Variants in PCCA observed in about 807,000 individuals in gnomAD.
PCCA encodes propionyl-CoA carboxylase subunit alpha, also known as propionyl-CoA carboxylase alpha chain, mitochondrial.
PCCA carries 74 observed loss-of-function variants against 101.3 expected under a neutral mutation model. The observed-to-expected ratio is 0.73, with a 90% CI of 0.61 to 0.89. The LOEUF (loss-of-function observed/expected upper bound fraction) is 0.89. PCCA is among the 40% of genes least tolerant of loss of function. The pLI is 0.00. For synonymous variants in PCCA, 294 were observed against 313.6 expected (o/e 0.94, Z 0.66); for missense variants, 891 against 907.0 (o/e 0.98, Z 0.23).
intron 21 of PCCA, among the ~76,000 whole-genome samples, chr13:100,474,733 C>G (rs1051085806): frequency 6.6e-6 from 1 of 152,130 alleles, no homozygotes; most frequent in Non-Finnish European, 1.5e-5. Context: ...AAGCGATCCT[C>G]CCACCTTGGC....
intron 20 of PCCA, among the ~76,000 whole-genome samples, chr13:100,446,378 A>G (rs923156008): frequency 5.3e-5 from 8 of 152,126 alleles, no homozygotes; most frequent in Non-Finnish European, 8.8e-5. Flanking sequence ...TAACCTATCT[A>G]ATGTCTTCCT....
chr13:100,437,905 A>C (rs1430434225), intron 20 of PCCA, among the ~76,000 whole-genome samples: 3 of 152,126 alleles, frequency 2.0e-5, no homozygotes, highest in African/African-American at 7.2e-5. Flanking sequence ...CCCGACTTCA[A>C]GTTATCTGCC....
chr13:100,284,086 G>A (rs1248638577), intron 12 of PCCA, among the ~76,000 whole-genome samples: 2 of 152,234 alleles, frequency 1.3e-5, no homozygotes, highest in Non-Finnish European at 2.9e-5. Context: ...CACTGGCACG[G>A]CCTTCTCAGT....
chr13:100,146,122 G>A (rs1347335371), intron 4 of PCCA, among the ~76,000 whole-genome samples: 1 of 150,430 alleles, frequency 6.6e-6, no homozygotes, highest in South Asian at 2.1e-4. Context: ...TGTATTTTTA[G>A]CAGAGATGGG....
intron 1 of PCCA, among the ~76,000 whole-genome samples, chr13:100,099,387 G>A (rs2047068077): frequency 1.4e-5 from 2 of 146,238 alleles, no homozygotes; most frequent in African/African-American, 5.1e-5. Context: ...GCGTGATCTC[G>A]GCTCACTACA....
chr13:100,321,227 C>G (rs1001165447), intron 16 of PCCA, among the ~76,000 whole-genome samples: 1 of 152,164 alleles, frequency 6.6e-6, no homozygotes, highest in African/African-American at 2.4e-5. Context: ...CAAAAGCACT[C>G]TAGTTTGTCT....
At chr13:100,333,435 A>G (rs2069949967) in intron 17 of PCCA, among the ~76,000 whole-genome samples, 1 of 152,180 alleles carries the variant, frequency 6.6e-6, no homozygotes, top group African/African-American at 2.4e-5. Context: ...TTTCTATTGT[A>G]TATGTTTATT....
At chr13:100,200,386 G>A (rs980636112) in intron 6 of PCCA, among the ~76,000 whole-genome samples, 1 of 152,172 alleles carries the variant, frequency 6.6e-6, no homozygotes, top group Admixed American at 6.5e-5. Context: ...TTACAGGCGT[G>A]AGCCACAGTG....
intron 19 of PCCA, among the ~76,000 whole-genome samples, chr13:100,393,470 T>C (rs1319969345): frequency 6.9e-6 from 1 of 145,564 alleles, no homozygotes; most frequent in Non-Finnish European, 1.5e-5. Flanking sequence ...CCAGGCTGGA[T>C]TGCAATGGCG....
intron 6 of PCCA, among the ~76,000 whole-genome samples, chr13:100,205,755 C>T (rs1015608801): frequency 6.6e-6 from 1 of 151,946 alleles, no homozygotes; most frequent in African/African-American, 2.4e-5. Context: ...ATTACATCTG[C>T]CTGGCATAGT....
intron 22 of PCCA, among the ~76,000 whole-genome samples, chr13:100,526,565 C>G (rs1214080865): frequency 6.6e-6 from 1 of 152,240 alleles, no homozygotes; most frequent in Non-Finnish European, 1.5e-5. Flanking sequence ...AGAACATTCT[C>G]TAGGCGCTTC....
At position 100,406,056 on chromosome 13, in the gene PCCA, C is replaced by T. The variant is rs1384150135; in HGVS notation, c.1747-19577C>T. Among the ~76,000 whole-genome samples the T allele has an allele frequency of 4.6e-5, 7 of 152,070 alleles. No homozygotes were observed. The South Asian group carries it at 8.3e-4, about 18-fold the overall frequency. On this transcript the variant is annotated intron_variant, in intron 19 of 23. Transcript: ENST00000376285. The stretch of plus-strand genomic sequence containing the variant: ...CTGGGATTACAGGCATGAGCCACTG[C>T]GCCCCACCAGAAAGTGACATTACTT...
chr13:100,469,779 C>CA (rs139256833), intron 21 of PCCA, among the ~76,000 whole-genome samples: 17,928 of 148,208 alleles, frequency 0.12, 1,937 homozygotes, highest in African/African-American at 0.29. Flanking sequence ...GGCTCTGTCT[C>CA]AAAAAAAAAC....
intron 12 of PCCA, among the ~76,000 whole-genome samples, chr13:100,287,656 T>C (rs1595132056): frequency 6.6e-6 from 1 of 152,188 alleles, no homozygotes; most frequent in East Asian, 1.9e-4. Context: ...TTATTAGTTC[T>C]ATGTGATTGT....
At chr13:100,470,936 G>A (rs896640459) in intron 21 of PCCA, among the ~76,000 whole-genome samples, 1 of 152,198 alleles carries the variant, frequency 6.6e-6, no homozygotes. Flanking sequence ...GTTCACTGGA[G>A]CAGCACTTTT....
intron 2 of PCCA, among the ~76,000 whole-genome samples, chr13:100,105,302 T>C (rs2047647184): frequency 2.0e-5 from 3 of 152,316 alleles, no homozygotes; most frequent in South Asian, 2.1e-4. Flanking sequence ...TTATGAAAGC[T>C]GTAGTTTAAT....
rs1298248993 is a variant in PCCA at position 100,508,267 on chromosome 13, T to C, written c.1900-7160T>C. The stretch of plus-strand genomic sequence containing the variant: ...GCAGGATGTTTGAAAAATGAGTTGC[T>C]GAATGGGCTTCAGATATTCTTATTC... On this transcript the variant is annotated intron_variant, in intron 21 of 23. Transcript: ENST00000376285. 2.0e-5 allele frequency among the ~76,000 whole-genome samples: 3 copies of C among 152,348 alleles called. No homozygotes were observed. The East Asian group carries it at 5.8e-4, about 29-fold the overall frequency.
intron 20 of PCCA, among the ~76,000 whole-genome samples, chr13:100,434,818 T>C (rs1242453583): frequency 2.0e-5 from 3 of 152,236 alleles, no homozygotes; most frequent in African/African-American, 7.2e-5. Context: ...TAAGTGATTC[T>C]CATGAAGTCG....
chr13:100,318,482 T>TCC (rs1375672912), intron 16 of PCCA, among the ~76,000 whole-genome samples: 3 of 80,878 alleles, frequency 3.7e-5, no homozygotes, highest in Non-Finnish European at 7.3e-5. Flanking sequence ...CCCTCCCCCC[T>TCC]CCCCCCACCC....
Sources: gnomAD v4.1 joint callset for allele counts (sites outside exome capture counted in the v4.1 genomes callset) on GRCh38, gnomAD v4.1.1 for gene constraint, MANE v1.5 for transcripts, NCBI Gene and HGNC (gene_info 2026-07-23, HGNC 2026-07-21) for gene names.